The following AKAP6 variants were observed in gnomAD, a reference collection of about 807,000 sequenced individuals.
AKAP6 encodes the protein A-kinase anchoring protein 6.
Under a neutral mutation model 188.5 loss-of-function variants are expected in AKAP6, and 58 were observed. The ratio of observed to expected loss-of-function variants is 0.31; its 90% CI spans 0.25 to 0.38. The LOEUF is 0.38. Ranked by LOEUF, AKAP6 falls within the 10% of genes least tolerant of loss-of-function variation. The pLI is 1.00. For missense variants in AKAP6, 2,710 were observed against 2,740.0 expected (o/e 0.99, Z 0.24); for synonymous variants, 989 against 998.6 (o/e 0.99, Z 0.18).
At chr14:32,397,567 C>T (rs1026998856) in intron 1 of AKAP6, among the ~76,000 whole-genome samples, 6 of 151,774 alleles carry the variant, frequency 4.0e-5, no homozygotes, top group East Asian at 1.9e-4. Flanking sequence ...CTTCTTAAAC[C>T]GTAAATTCCA....
At chr14:32,635,073 A>G (rs1214025278) in intron 7 of AKAP6, among the ~76,000 whole-genome samples, 1 of 151,994 alleles carries the variant, frequency 6.6e-6, no homozygotes, top group Admixed American at 6.6e-5. Flanking sequence ...GAAAGAGAAG[A>G]TCATTCCTAG....
chr14:32,813,391 C>CCG (rs1488310113), intron 12 of AKAP6, among the ~76,000 whole-genome samples: 8 of 102,940 alleles, frequency 7.8e-5, no homozygotes, highest in African/African-American at 9.1e-5. Context: ...CTAACCCTAC[C>CCG]CCCCCCCCCA....
chr14:32,549,303 G>A (rs922264061), intron 4 of AKAP6, among the ~76,000 whole-genome samples: 1 of 152,180 alleles, frequency 6.6e-6, no homozygotes, highest in African/African-American at 2.4e-5. Flanking sequence ...TATCAGTGGA[G>A]CTAGAATTTG....
intron 2 of AKAP6, among the ~76,000 whole-genome samples, chr14:32,466,687 A>C (rs1218573792): frequency 6.7e-6 from 1 of 150,018 alleles, no homozygotes; most frequent in African/African-American, 2.5e-5. Flanking sequence ...GCCCATGTAT[A>C]CCTATGTAAC....
At chr14:32,550,274 G>A (rs903513215) in intron 4 of AKAP6, among the ~76,000 whole-genome samples, 1 of 152,234 alleles carries the variant, frequency 6.6e-6, no homozygotes, top group African/African-American at 2.4e-5. Context: ...CTGGTTTGAA[G>A]TAGAGGTGGT....
chr14:32,546,825 G>A lies in AKAP6; in HGVS notation c.2172G>A (p.Glu724=). Residue 724 remains glutamate (E), a synonymous_variant, in exon 4 of 14, where the codon GAG becomes GAA. Coordinates refer to ENST00000280979, the MANE Select transcript of AKAP6 (RefSeq NM_004274.5). ...SGPLSDILSD[E]ESSMPLAGMK... is the part of the protein sequence containing the mutation. The stretch of plus-strand genomic sequence containing the variant: ...CCCTGAGTGACATTCTTTCTGATGA[G>A]GAGTCCAGTATGCCTCTCGCTGGCA... The A allele has an allele frequency of 6.2e-7, 1 of 1,614,084 alleles. No individual in the cohort carries two copies.
chr14:32,516,789 T>C (rs1881544522), intron 2 of AKAP6, among the ~76,000 whole-genome samples: 1 of 152,200 alleles, frequency 6.6e-6, no homozygotes, highest in African/African-American at 2.4e-5. Context: ...CCTAGCTCTA[T>C]TAATGAAAAA....
intron 9 of AKAP6, among the ~76,000 whole-genome samples, chr14:32,701,149 C>T (rs1478992598): frequency 6.6e-6 from 1 of 151,968 alleles, no homozygotes; most frequent in Admixed American, 6.6e-5. Flanking sequence ...TACATTTTTA[C>T]CCTGCTATGA....
intron 12 of AKAP6, among the ~76,000 whole-genome samples, chr14:32,792,152 G>C (rs981483485): frequency 6.6e-6 from 1 of 152,126 alleles, no homozygotes; most frequent in African/African-American, 2.4e-5. Flanking sequence ...TTCTAGTTCT[G>C]TGAAGAAATT....
intron 7 of AKAP6, 21 bp downstream of exon 7, chr14:32,600,813 C>T (rs765723634): frequency 2.5e-5 from 39 of 1,566,738 alleles, no homozygotes; most frequent in Non-Finnish European, 3.1e-5. Context: ...TGAAGTTTGC[C>T]TTATTTCCTC....
Position 32,546,583 on chromosome 14 carries a change from G to A in AKAP6, c.1930G>A (p.Ala644Thr), listed in dbSNP as rs1330360987. 5.6e-6 allele frequency: 9 copies of A among 1,614,076 alleles called. No homozygotes were observed. The highest frequency in any genetic ancestry group is 1.7e-5 in the Admixed American group (1 of 60,002). The change falls in exon 4 of 14, where the codon GCT becomes ACT. Residue 644 changes from alanine (A) to threonine (T), a missense_variant. Physicochemically the swap from Ala to Thr is moderately conservative, Grantham distance 58. This residue lies in a region of AKAP6 where 2,473 missense variants were observed against 2,426.1 expected (regional missense o/e 1.02). Transcript: ENST00000280979. ...TCACCTTAAGCAGACAGAAGTATTG[G>A]CTTTGAAGTTGGAAAACCTAACAAA... ...PSHLKQTEVL[A>T]LKLENLTKLL... is the part of the protein sequence containing the mutation.
chr14:32,644,415 G>T (rs980152701), intron 7 of AKAP6, among the ~76,000 whole-genome samples: 3 of 152,158 alleles, frequency 2.0e-5, no homozygotes, highest in African/African-American at 7.2e-5. Context: ...TAGCTAGGTT[G>T]TATCTGGCAA....
intron 12 of AKAP6, among the ~76,000 whole-genome samples, chr14:32,784,033 G>C (rs149443471): frequency 7.9e-5 from 12 of 151,992 alleles, no homozygotes; most frequent in African/African-American, 2.9e-4. Context: ...TCAAATTTTC[G>C]TATCACATGT....
chr14:32,711,718 A>G (rs1891058473), intron 9 of AKAP6, among the ~76,000 whole-genome samples: 1 of 151,974 alleles, frequency 6.6e-6, no homozygotes, highest in African/African-American at 2.4e-5. Context: ...ATGTTATTTT[A>G]TTCTATAGAT....
intron 9 of AKAP6, among the ~76,000 whole-genome samples, chr14:32,723,873 C>T (rs1452977862): frequency 6.6e-6 from 1 of 152,146 alleles, no homozygotes; most frequent in Non-Finnish European, 1.5e-5. Context: ...TTTATCCTTG[C>T]CCTACTCAAT....
At chr14:32,506,076 G>A (rs1594687208) in intron 2 of AKAP6, among the ~76,000 whole-genome samples, 1 of 152,176 alleles carries the variant, frequency 6.6e-6, no homozygotes, top group East Asian at 1.9e-4. Flanking sequence ...CCGGGAAGCA[G>A]AGGTTGCAGT....
chr14:32,715,601 T>C (rs972427655), intron 9 of AKAP6, among the ~76,000 whole-genome samples: 2 of 151,946 alleles, frequency 1.3e-5, no homozygotes, highest in African/African-American at 4.8e-5. Flanking sequence ...GATAGATGCA[T>C]TGCAAAATAA....
chr14:32,699,817 TC>T (rs1424482989), intron 9 of AKAP6, among the ~76,000 whole-genome samples: 1 of 152,194 alleles, frequency 6.6e-6, no homozygotes, highest in Non-Finnish European at 1.5e-5. Context: ...TTCTCGTCAT[TC>T]CTCCTCTCTT....
At chr14:32,673,729 C>T (rs1889316194) in intron 7 of AKAP6, among the ~76,000 whole-genome samples, 1 of 151,962 alleles carries the variant, frequency 6.6e-6, no homozygotes, top group African/African-American at 2.4e-5. Flanking sequence ...AGTGAGACTC[C>T]ATCTCAAAAT....
Sources: gnomAD v4.1 joint callset for allele counts (sites outside exome capture counted in the v4.1 genomes callset) on GRCh38, gnomAD v4.1.1 for gene constraint, gnomAD v4.1.1 regional missense constraint, MANE v1.5 for transcripts, NCBI Gene and HGNC (gene_info 2026-07-23, HGNC 2026-07-21) for gene names.